The following ACTL8 variants were observed in gnomAD, a reference collection of about 807,000 sequenced individuals.
ACTL8 encodes the protein actin like 8.
In ACTL8, 3 loss-of-function variants were observed where a neutral mutation model predicts 9.3. The observed-to-expected ratio is 0.32, with a 90% confidence interval of 0.15 to 0.83. ACTL8 has a LOEUF of 0.83. Ranked by LOEUF, ACTL8 falls within the 40% of genes least tolerant of loss-of-function variation. The pLI, the probability that ACTL8 is intolerant of heterozygous loss-of-function variation, is 0.57. For missense variants in ACTL8, 381 were observed against 492.2 expected, an observed-to-expected ratio of 0.77 and a Z score of 2.14; for synonymous variants, 224 against 205.9, an observed-to-expected ratio of 1.09 and a Z score of -0.75.
At chr1:17,761,648 G>A (rs1365763751) in intron 1 of ACTL8, among the ~76,000 whole-genome samples, 2 of 151,946 alleles carry the variant, frequency 1.3e-5, no homozygotes, top group African/African-American at 2.4e-5. Context: ...TTAGCTCACT[G>A]TAACCTCTGC....
intron 1 of ACTL8, among the ~76,000 whole-genome samples, chr1:17,760,911 C>T (rs1307960523): frequency 6.6e-6 from 1 of 152,308 alleles, no homozygotes; most frequent in South Asian, 2.1e-4. Context: ...GGCTATAAAA[C>T]CGATCTGAGG....
chr1:17,788,300 A>G (rs2066212781), intron 1 of ACTL8, among the ~76,000 whole-genome samples: 1 of 152,190 alleles, frequency 6.6e-6, no homozygotes, highest in Non-Finnish European at 1.5e-5. Flanking sequence ...GTTGGTTAAG[A>G]AGCCTCCTTT....
intron 1 of ACTL8, among the ~76,000 whole-genome samples, chr1:17,763,672 G>A (rs2066023489): frequency 6.6e-6 from 1 of 152,208 alleles, no homozygotes; most frequent in African/African-American, 2.4e-5. Flanking sequence ...CTCCATGAGA[G>A]GGTTGCCAGG....
chr1:17,813,498 C>T (rs895549334), intron 1 of ACTL8, among the ~76,000 whole-genome samples: 1 of 152,102 alleles, frequency 6.6e-6, no homozygotes, highest in Non-Finnish European at 1.5e-5. Context: ...TCATTGTGTA[C>T]TATTCTTTTT....
intron 1 of ACTL8, among the ~76,000 whole-genome samples, chr1:17,764,789 G>A (rs567159598): frequency 2.0e-5 from 3 of 152,220 alleles, no homozygotes; most frequent in Non-Finnish European, 2.9e-5. Context: ...CTCCCCGGGG[G>A]AGTTCACGCA....
intron 1 of ACTL8, among the ~76,000 whole-genome samples, chr1:17,779,797 T>C (rs768587013): frequency 1.3e-5 from 2 of 152,222 alleles, no homozygotes; most frequent in Non-Finnish European, 2.9e-5. Context: ...CATAACTTTA[T>C]AGGCTAAAAT....
At chr1:17,820,955 GGTAA>G (rs2053656122) in intron 1 of ACTL8, among the ~76,000 whole-genome samples, 1 of 152,130 alleles carries the variant, frequency 6.6e-6, no homozygotes, top group South Asian at 2.1e-4. Flanking sequence ...GTCAGCACTT[GGTAA>G]GGGTGGGCCT....
At chr1:17,817,230 G>A (rs1275543348) in intron 1 of ACTL8, among the ~76,000 whole-genome samples, 5 of 150,498 alleles carry the variant, frequency 3.3e-5, no homozygotes, top group Admixed American at 6.6e-5. Flanking sequence ...AACTGTGCGT[G>A]GTGTTGGCTG....
chr1:17,824,786 T>C (rs2053699876), intron 2 of ACTL8, among the ~76,000 whole-genome samples: 1 of 152,196 alleles, frequency 6.6e-6, no homozygotes, highest in Admixed American at 6.5e-5. Flanking sequence ...TCTAAGTGAA[T>C]AGGAAGTTCC....
At chr1:17,763,695 T>C (rs2066023542) in intron 1 of ACTL8, among the ~76,000 whole-genome samples, 2 of 152,228 alleles carry the variant, frequency 1.3e-5, no homozygotes, top group Admixed American at 6.5e-5. Context: ...TTCTGAGTTT[T>C]AGTGGCACCT....
chr1:17,800,035 CTCT>C (rs1450497439), intron 1 of ACTL8, among the ~76,000 whole-genome samples: 2 of 152,190 alleles, frequency 1.3e-5, no homozygotes, highest in Admixed American at 1.3e-4. Flanking sequence ...AGAAGTTTTG[CTCT>C]TCTTTTTCAT....
rs57708887 is a variant in ACTL8, at chr1:17,767,116, C to T, written c.-25+11612C>T. 0.079 allele frequency among the ~76,000 whole-genome samples: 12,018 copies of T among 151,982 alleles called. 862 individuals carry two copies. The highest frequency in any genetic ancestry group is 0.27 in the East Asian group (1,401 of 5,130). On this transcript the variant is annotated intron_variant, in intron 1 of 2. Transcript: ENST00000375406. The surrounding 1 kb of genome is among the most constrained non-coding windows in gnomAD (Gnocchi z 4.7). ...TGGTCAGGGACGGGGGAAGCAGACA[C>T]CTGAGGGGGAAGCGAGACGGGTGAG...
intron 1 of ACTL8, among the ~76,000 whole-genome samples, chr1:17,812,156 C>T (rs2066397282): frequency 6.6e-6 from 1 of 152,138 alleles, no homozygotes; most frequent in Admixed American, 6.5e-5. Context: ...CCACACCCAG[C>T]TCTATCTTGA....
At chr1:17,768,580 C>T (rs1263322687) in intron 1 of ACTL8, among the ~76,000 whole-genome samples, 7 of 152,158 alleles carry the variant, frequency 4.6e-5, no homozygotes, top group African/African-American at 7.2e-5. Context: ...AGTACAGGAC[C>T]GAGTTCCTCT....
chr1:17,826,286 C>CACG lies in ACTL8; in HGVS notation c.868_869insACG (p.Leu290delinsHisVal). ...GTCCTGCGAGATCTCCCTGCGCCCC[C>CACG]TGCTGGTCTCCCACGTGATGGCCTG... On this transcript the variant is annotated protein_altering_variant, in exon 3 of 3. Transcript: ENST00000375406. The surrounding 1 kb of genome is among the most constrained non-coding windows in gnomAD (Gnocchi z 4.5). 6.2e-7 allele frequency: 1 copy of CACG among 1,610,882 alleles called. No homozygotes were observed. Among genetic ancestry groups the CACG allele is most frequent in the Non-Finnish European group, 8.5e-7 (1 of 1,177,556 alleles).
intron 1 of ACTL8, among the ~76,000 whole-genome samples, chr1:17,779,167 C>T (rs2066135703): frequency 6.6e-6 from 1 of 152,180 alleles, no homozygotes; most frequent in South Asian, 2.1e-4. Context: ...GATTTCTCCC[C>T]TGGGCATTTG....
At chr1:17,811,327 A>G (rs1318768228) in intron 1 of ACTL8, among the ~76,000 whole-genome samples, 1 of 152,194 alleles carries the variant, frequency 6.6e-6, no homozygotes, top group Non-Finnish European at 1.5e-5. Context: ...TGGTCTTTAT[A>G]TATTCTGGAT....
chr1:17,774,825 C>T (rs1238402394), intron 1 of ACTL8, among the ~76,000 whole-genome samples: 1 of 152,110 alleles, frequency 6.6e-6, no homozygotes, highest in Non-Finnish European at 1.5e-5. Flanking sequence ...GGCTGAGGGC[C>T]GCCTCTTTTG....
At chr1:17,783,832 G>A (rs2102684618) in intron 1 of ACTL8, among the ~76,000 whole-genome samples, 1 of 152,370 alleles carries the variant, frequency 6.6e-6, no homozygotes, top group East Asian at 1.9e-4. Flanking sequence ...TTGGTGTAAA[G>A]GGGATATCTT....
Sources: gnomAD v4.1 joint callset for allele counts (sites outside exome capture counted in the v4.1 genomes callset) on GRCh38, gnomAD v4.1.1 for gene constraint, Gnocchi (gnomAD v3.1) non-coding constraint, MANE v1.5 for transcripts, NCBI Gene and HGNC (gene_info 2026-07-23, HGNC 2026-07-21) for gene names.